ADCY10: variants seen among roughly 807,000 people sequenced by gnomAD.
ADCY10 encodes adenylate cyclase type 10.
In ADCY10, 156 loss-of-function variants were observed where a neutral mutation model predicts 183.3. That is an observed-to-expected ratio of 0.85 (90% CI 0.75 to 0.97). The LOEUF (loss-of-function observed/expected upper bound fraction) is 0.97. ADCY10 is among the 50% of genes least tolerant of loss of function. The pLI is 0.00. For missense variants in ADCY10, 1,745 were observed against 1,934.3 expected, an observed-to-expected ratio of 0.90 and a Z score of 1.84; for synonymous variants, 645 against 670.0, an observed-to-expected ratio of 0.96 and a Z score of 0.58.
intron 1 of ADCY10, among the ~76,000 whole-genome samples, chr1:167,908,677 C>T (rs1254785235): frequency 6.6e-6 from 1 of 152,074 alleles, no homozygotes; most frequent in Non-Finnish European, 1.5e-5. Flanking sequence ...CACTTTTTGT[C>T]ATTTTTGCCT....
intron 26 of ADCY10, among the ~76,000 whole-genome samples, chr1:167,827,237 T>A (rs1428235232): frequency 2.0e-5 from 3 of 151,646 alleles, no homozygotes; most frequent in Admixed American, 6.6e-5. Context: ...GAGTGATCTC[T>A]GCTCACTGCA....
At chr1:167,823,249 A>C in intron 28 of ADCY10, 126 bp from the exon 29 acceptor site, 1 of 704,332 alleles carries the variant, frequency 1.4e-6, no homozygotes. Flanking sequence ...ACATGGTGAA[A>C]CCCCATCTCC....
In ADCY10 at chr1:167,870,526, C is replaced by G. The variant is rs535120071; in HGVS notation, c.1463-116G>C. On this transcript the variant is annotated intron_variant, in intron 13 of 32. Transcript: ENST00000367851. ...AATATCCTTGGGCCAGGCGCTGTGG[C>G]TCACTCCTGTAATCCCAGCACTTTG... 1.9e-5 allele frequency: 17 copies of G among 918,682 alleles called. 1 individual carries two copies. The highest frequency in any genetic ancestry group is 5.9e-5 in the South Asian group (4 of 67,946). 56.9% of individuals were successfully genotyped at this position (918,682 alleles called of 1,614,324 possible). A position where few individuals can be genotyped will look rare whatever the true frequency, so the allele number is the denominator to read the frequency against.
chr1:167,841,122 T>C (rs1239075901), intron 21 of ADCY10, among the ~76,000 whole-genome samples: 1 of 151,874 alleles, frequency 6.6e-6, no homozygotes, highest in Non-Finnish European at 1.5e-5. Flanking sequence ...TTTGTATTTT[T>C]TGTAGAGGGA....
intron 8 of ADCY10, 55 bp from the exon 9 acceptor site, chr1:167,883,683 C>A: frequency 6.4e-7 from 1 of 1,551,132 alleles, no homozygotes; most frequent in Non-Finnish European, 8.9e-7. Context: ...ATCCCTCCCC[C>A]AACACCGCCC....
chr1:167,877,517 A>G (rs76127943), intron 12 of ADCY10, among the ~76,000 whole-genome samples: 2,169 of 152,154 alleles, frequency 0.014, 47 homozygotes, highest in African/African-American at 0.048. Flanking sequence ...TCTCTGTGCC[A>G]TTCATTTATT....
intron 31 of ADCY10, among the ~76,000 whole-genome samples, chr1:167,817,228 G>A (rs1662585596): frequency 6.6e-6 from 1 of 152,208 alleles, no homozygotes; most frequent in South Asian, 2.1e-4. Context: ...AGCCAGGCAT[G>A]GTGGCACGTG....
intron 28 of ADCY10, among the ~76,000 whole-genome samples, chr1:167,823,384 C>T (rs1189172114): frequency 1.4e-5 from 2 of 143,314 alleles, no homozygotes; most frequent in African/African-American, 5.2e-5. Flanking sequence ...AATAACGCAC[C>T]ACTGCACTCC....
At chr1:167,836,084 G>A (rs542931210) in intron 23 of ADCY10, among the ~76,000 whole-genome samples, 10 of 152,250 alleles carry the variant, frequency 6.6e-5, no homozygotes, top group Admixed American at 5.9e-4. Context: ...GTTTCTAAAG[G>A]TGGCAATATT....
intron 26 of ADCY10, among the ~76,000 whole-genome samples, chr1:167,828,434 A>T (rs1215362913): frequency 3.9e-5 from 6 of 152,174 alleles, no homozygotes; most frequent in African/African-American, 1.2e-4. Context: ...TTTCACCCTC[A>T]TTCTCTCATG....
intron 31 of ADCY10, among the ~76,000 whole-genome samples, chr1:167,817,431 C>T (rs1178516463): frequency 6.6e-6 from 1 of 152,136 alleles, no homozygotes; most frequent in Non-Finnish European, 1.5e-5. Context: ...AAAACTAGTA[C>T]ACCTGTGCTC....
chr1:167,845,847 C>T lies in ADCY10; in HGVS notation c.2723G>A (p.Gly908Asp), dbSNP rs1282188700. Residue 908 changes from glycine to aspartate, a missense_variant, in exon 21 of 33, where the codon GGT becomes GAT. Transcript: ENST00000367851. ...CAGTTCACGAAGCTGTTCCTCTTCA[C>T]CGTGATCTGGAGAGAGCAAAAAGGG... is the stretch of plus-strand genomic sequence containing the variant. ...SLKPSEGMDH[G>D]EEEQLRELEN... The T allele has an allele frequency of 1.7e-5, 28 of 1,613,986 alleles. No homozygotes were observed. Among genetic ancestry groups the T allele is most frequent in the Non-Finnish European group, 2.3e-5 (27 of 1,180,050 alleles).
rs1318937184 is a variant in ADCY10 at position 167,861,009 on chromosome 1, G to A, written c.1671C>T (p.Ile557=). 3.1e-6 allele frequency: 5 copies of A among 1,614,032 alleles called. No homozygotes were observed. The Admixed American group carries it at 8.3e-5, about 27-fold the overall frequency. ...CTAGGACATTGGCCATGAACATCTG[G>A]ATGGTATAGAAAGTTTGATGGAAGC... ...KISFHQTFYT[I]QMFMANVLGL... The change falls in exon 15 of 33, where the codon ATC becomes ATT. Residue 557 remains isoleucine, a synonymous_variant. Coordinates refer to ENST00000367851, the MANE Select transcript of ADCY10 (RefSeq NM_018417.6).
chr1:167,892,951 C>T (rs1002753878), intron 8 of ADCY10, among the ~76,000 whole-genome samples: 3 of 152,086 alleles, frequency 2.0e-5, no homozygotes, highest in Non-Finnish European at 2.9e-5. Context: ...TTTTCTCATG[C>T]ATATAAAATG....
chr1:167,820,106 A>G, intron 30 of ADCY10: 1 of 1,568,342 alleles, frequency 6.4e-7, no homozygotes, highest in Non-Finnish European at 8.7e-7. Context: ...CCTGACATCA[A>G]CGTTTCCTTT....
intron 7 of ADCY10, among the ~76,000 whole-genome samples, chr1:167,895,755 T>G (rs1052971881): frequency 1.2e-4 from 18 of 152,204 alleles, no homozygotes; most frequent in African/African-American, 4.3e-4. Flanking sequence ...AGTGTCTGCT[T>G]AAGTTTTGTG....
intron 14 of ADCY10, among the ~76,000 whole-genome samples, chr1:167,868,919 C>T (rs1372220541): frequency 2.0e-5 from 3 of 152,176 alleles, no homozygotes; most frequent in Non-Finnish European, 4.4e-5. Context: ...CAAGCCTTGA[C>T]TATTCTGGCC....
intron 4 of ADCY10, 27 bp downstream of exon 4, chr1:167,901,989 C>T (rs745867606): frequency 3.1e-6 from 5 of 1,613,590 alleles, no homozygotes; most frequent in East Asian, 2.2e-5. Context: ...CCTTTCTTAC[C>T]CCTTCTATCT....
intron 26 of ADCY10, among the ~76,000 whole-genome samples, chr1:167,828,142 C>A (rs759171478): frequency 6.6e-6 from 1 of 152,192 alleles, no homozygotes; most frequent in Admixed American, 6.5e-5. Context: ...GACTATCTTA[C>A]AACTATGTTG....
Sources: allele counts gnomAD v4.1 joint callset (sites outside exome capture counted in the v4.1 genomes callset), GRCh38; gene constraint gnomAD v4.1.1; transcripts MANE v1.5; gene names NCBI Gene and HGNC (gene_info 2026-07-23, HGNC 2026-07-21).